The following TRPC5 variants were observed in gnomAD, a reference collection of about 807,000 sequenced individuals.
TRPC5 encodes transient receptor potential cation channel subfamily C member 5.
TRPC5 carries 9 observed loss-of-function variants against 56.5 expected under a neutral mutation model. The observed-to-expected ratio is 0.16, with a 90% CI of 0.10 to 0.28. The LOEUF is 0.28. TRPC5 is among the 10% of genes least tolerant of loss of function. The pLI is 1.00. For synonymous variants in TRPC5, 282 were observed against 278.5 expected, an observed-to-expected ratio of 1.01 and a Z score of -0.13; for missense variants, 469 against 748.9, an observed-to-expected ratio of 0.63 and a Z score of 4.36.
At chrX:112,019,550 C>T (rs1032159940) in intron 1 of TRPC5, among the ~76,000 whole-genome samples, 13 of 111,080 alleles carry the variant, frequency 1.2e-4, no homozygotes, top group Non-Finnish European at 2.5e-4. Flanking sequence ...ATTCTCCTGC[C>T]TCAGCCTCCC....
At chrX:112,067,531 T>A (rs890448736) in intron 1 of TRPC5, among the ~76,000 whole-genome samples, 2 of 111,943 alleles carry the variant, frequency 1.8e-5, no homozygotes, top group African/African-American at 3.3e-5. Flanking sequence ...TGAGAGGTCA[T>A]CCTAATTGTC....
rs1489859206 is a variant in TRPC5 at position 111,768,137 on chromosome X, T to TA, written c.*8175dup. Among the ~76,000 whole-genome samples, 2 of 112,532 alleles carry TA rather than the reference T, an allele frequency of 1.8e-5. No homozygotes were observed. Among genetic ancestry groups the TA allele is most frequent in the Non-Finnish European group, 3.8e-5 (2 of 53,257 alleles). ...ACACTGTGCACTTACAGAAAGTGTT[T>TA]AAATAAAAGTGATAGTTATTCAAAG... is the stretch of plus-strand genomic sequence containing the variant. On this transcript the variant is annotated 3_prime_UTR_variant, in exon 11 of 11. Transcript: ENST00000262839.
chrX:111,810,714 G>A (rs2148565192), intron 7 of TRPC5, among the ~76,000 whole-genome samples: 1 of 111,311 alleles, frequency 9.0e-6, no homozygotes, highest in South Asian at 3.8e-4. Context: ...ATACCTAGTT[G>A]GGAGAAAAGC....
At chrX:111,811,471 G>C (rs1921705409) in intron 7 of TRPC5, among the ~76,000 whole-genome samples, 2 of 112,418 alleles carry the variant, frequency 1.8e-5, no homozygotes, top group Non-Finnish European at 3.8e-5. Flanking sequence ...AACTCTCACT[G>C]TCCTGAAATT....
At chrX:111,795,134 AT>A (rs753392341) in intron 7 of TRPC5, among the ~76,000 whole-genome samples, 3 of 110,083 alleles carry the variant, frequency 2.7e-5, no homozygotes, top group Admixed American at 9.8e-5. Flanking sequence ...ATCCTTAATG[AT>A]TTTTTTTCTT....
At chrX:111,885,103 C>T (rs1430597796) in intron 3 of TRPC5, among the ~76,000 whole-genome samples, 1 of 113,011 alleles carries the variant, frequency 8.8e-6, no homozygotes, top group Non-Finnish European at 1.9e-5. Context: ...TGGAGCCAGG[C>T]TTATGCCTAG....
intron 1 of TRPC5, among the ~76,000 whole-genome samples, chrX:112,008,614 A>AAAAAAAAAT: frequency 9.4e-6 from 1 of 106,584 alleles, no homozygotes; most frequent in African/African-American, 3.5e-5. Flanking sequence ...AAAAAAAAAA[A>AAAAAAAAAT]ATATAGAGAG....
chrX:111,901,744 A>G (rs1326622625), intron 3 of TRPC5: 1 of 626,413 alleles, frequency 1.6e-6, no homozygotes, highest in Non-Finnish European at 2.3e-6. Flanking sequence ...TCTGGCCTAA[A>G]CCAACCACAG....
At chrX:111,950,100 A>AAGTG (rs1927038721) in intron 2 of TRPC5, among the ~76,000 whole-genome samples, 1 of 111,418 alleles carries the variant, frequency 9.0e-6, no homozygotes, top group Non-Finnish European at 1.9e-5. Flanking sequence ...CAAGGTGGGC[A>AAGTG]GATCACGAGG....
intron 2 of TRPC5, among the ~76,000 whole-genome samples, chrX:111,939,083 C>T (rs1010294410): frequency 8.9e-6 from 1 of 111,770 alleles, no homozygotes. Context: ...CTTGTACATG[C>T]AGAGTTTTAG....
At chrX:111,868,890 A>T (rs1408690190) in intron 3 of TRPC5, among the ~76,000 whole-genome samples, 1 of 111,895 alleles carries the variant, frequency 8.9e-6, no homozygotes, top group African/African-American at 3.3e-5. Flanking sequence ...GTACTGTGTT[A>T]GATTTCAGTT....
intron 1 of TRPC5, among the ~76,000 whole-genome samples, chrX:111,987,113 C>A (rs768512947): frequency 9.0e-6 from 1 of 111,690 alleles, no homozygotes; most frequent in African/African-American, 3.2e-5. Flanking sequence ...TAGGAGTATT[C>A]AATATGATAT....
chrX:112,071,870 T>C (rs1286723538), intron 1 of TRPC5, among the ~76,000 whole-genome samples: 1 of 111,850 alleles, frequency 8.9e-6, no homozygotes, highest in African/African-American at 3.3e-5. Flanking sequence ...TCAAATCCAA[T>C]GGCTGCAGCT....
intron 1 of TRPC5, among the ~76,000 whole-genome samples, chrX:112,032,220 G>T (rs1349126296): frequency 1.8e-5 from 2 of 110,486 alleles, no homozygotes; most frequent in Non-Finnish European, 3.8e-5. Context: ...AGTCAGAATG[G>T]CTACTATCAA....
At chrX:111,988,176 T>A (rs927339414) in intron 1 of TRPC5, among the ~76,000 whole-genome samples, 1 of 112,027 alleles carries the variant, frequency 8.9e-6, no homozygotes, top group African/African-American at 3.2e-5. Flanking sequence ...TTTCTACCTC[T>A]AAAGCAGATG....
rs771369055 is a variant in TRPC5, at chrX:111,781,924, A to G, written c.2100+11T>C. Reference sequence around the variant, plus strand: ...TTTTAAAAATTAAGTTTTCAAAATTAAAAGTCTTACTGTGAAACTTCTCAA... The same window carrying G: ...TTTTAAAAATTAAGTTTTCAAAATTGAAAGTCTTACTGTGAAACTTCTCAA... On this transcript the variant is annotated intron_variant, in intron 8 of 10. Coordinates refer to ENST00000262839, the MANE Select transcript of TRPC5 (RefSeq NM_012471.3). 18 of 1,166,442 alleles carry G rather than the reference A, an allele frequency of 1.5e-5. No individual in the cohort carries two copies. Among genetic ancestry groups the G allele is most frequent in the Non-Finnish European group, 2.1e-5 (18 of 872,298 alleles).
In TRPC5 at chrX:111,772,732, T is replaced by C; in HGVS notation, c.*3581A>G. Among the ~76,000 whole-genome samples the C allele has an allele frequency of 8.9e-6, 1 of 111,734 alleles. No individual in the cohort carries two copies. Reference sequence around the variant, plus strand: ...CAGGAGTGGGCCACCATGCCCAGCCTCAATTTTTCTAAGGTACTTTTAAAC... The same window carrying C: ...CAGGAGTGGGCCACCATGCCCAGCCCCAATTTTTCTAAGGTACTTTTAAAC... On this transcript the variant is annotated 3_prime_UTR_variant, in exon 11 of 11. Coordinates refer to ENST00000262839, the MANE Select transcript of TRPC5 (RefSeq NM_012471.3).
intron 3 of TRPC5, among the ~76,000 whole-genome samples, chrX:111,865,979 C>T (rs1341777595): frequency 7.1e-5 from 8 of 112,828 alleles, no homozygotes; most frequent in African/African-American, 9.7e-5. Flanking sequence ...CTCACAGCAA[C>T]GCTAATGGCA....
At chrX:111,905,814 C>T (rs778353173) in intron 3 of TRPC5, among the ~76,000 whole-genome samples, 39 of 106,885 alleles carry the variant, frequency 3.6e-4, no homozygotes, top group Non-Finnish European at 6.9e-4. Flanking sequence ...ACTCAGGAGG[C>T]TGAGGCAGGA....
Sources: gnomAD v4.1 joint callset for allele counts (sites outside exome capture counted in the v4.1 genomes callset) on GRCh38, gnomAD v4.1.1 for gene constraint, MANE v1.5 for transcripts, NCBI Gene and HGNC (gene_info 2026-07-23, HGNC 2026-07-21) for gene names.